DISP3: variants seen among roughly 807,000 people sequenced by gnomAD.
The protein encoded by DISP3 is protein dispatched homolog 3.
A neutral mutation model predicts 135.3 loss-of-function variants in DISP3; 101 were observed. The observed-to-expected ratio is 0.75, with a 90% CI of 0.64 to 0.88. The LOEUF is 0.88. DISP3 is among the 40% of genes least tolerant of loss of function. DISP3 has a pLI of 0.00. For synonymous variants in DISP3, 856 were observed against 817.0 expected (o/e 1.05, Z -0.81); for missense variants, 1,713 against 1,878.6 (o/e 0.91, Z 1.63).
rs776607837 is a variant in DISP3, at chr1:11,534,487, G to T, written c.3482G>T (p.Arg1161Leu). Residue 1161 changes from arginine to leucine, a missense_variant, in exon 18 of 21, where the codon CGC becomes CTC. By Grantham distance (102) the Arg-to-Leu change is moderately radical. This residue lies in a region of DISP3 where 1,142 missense variants were observed against 1,384.6 expected (regional missense o/e 0.82). Transcript: ENST00000294484. ...GCCTTGCCCGAGGGCTCAGTCCTGC[G>T]CCGGGGCTTCCAGACCTGCGAGCAC... ...LQALPEGSVL[R>L]RGFQTCEHWK... The T allele has an allele frequency of 1.2e-6, 2 of 1,614,006 alleles. No homozygotes were observed. Among genetic ancestry groups the T allele is most frequent in the Admixed American group, 3.3e-5 (2 of 60,006 alleles).
At chr1:11,511,947 C>T (rs545557992) in intron 3 of DISP3, among the ~76,000 whole-genome samples, 1 of 152,340 alleles carries the variant, frequency 6.6e-6, no homozygotes, top group Admixed American at 6.5e-5. Context: ...GCTGCCAAAG[C>T]TTGGGGCTTC....
In DISP3 at chr1:11,531,791, G is replaced by C; in HGVS notation, c.3375+81G>C. ...ACCTCTGATCCCAGCCCTCTTCCCAGATCGGGGGGGAGATGCTGAGGCCCA... is the reference window on the plus strand; with the variant it reads ...ACCTCTGATCCCAGCCCTCTTCCCACATCGGGGGGGAGATGCTGAGGCCCA... On this transcript the variant is annotated intron_variant, in intron 17 of 20. Coordinates refer to ENST00000294484, the MANE Select transcript of DISP3 (RefSeq NM_020780.2). This position sits in a 1 kb window ranked among gnomAD's most constrained non-coding sequence, Gnocchi z 5.2. 1 of 1,499,318 alleles carries C rather than the reference G, an allele frequency of 6.7e-7. No individual in the cohort carries two copies. The highest frequency in any genetic ancestry group is 8.9e-7 in the Non-Finnish European group (1 of 1,127,752). 92.9% of individuals were successfully genotyped at this position (1,499,318 alleles called of 1,614,324 possible).
chr1:11,533,903 C>A lies in DISP3; in HGVS notation c.3376-478C>A, dbSNP rs532691093. 32 of 714,974 alleles carry A rather than the reference C, an allele frequency of 4.5e-5. No homozygotes were observed. The Middle Eastern group carries it at 9.6e-4, about 22-fold the overall frequency. 44.3% of individuals were successfully genotyped at this position (714,974 alleles called of 1,614,324 possible). On this transcript the variant is annotated intron_variant, in intron 17 of 20. Transcript: ENST00000294484. ...GGCACTGTGGGCCAGCCAGGCTGCT[C>A]CTGCCCTTGCAATTCACAGTCCCAC...
In DISP3 at chr1:11,499,222, C is replaced by G. The variant is rs928705863; in HGVS notation, c.-3-1768C>G. On this transcript the variant is annotated intron_variant, in intron 1 of 20. Coordinates refer to ENST00000294484, the MANE Select transcript of DISP3 (RefSeq NM_020780.2). This position sits in a 1 kb window ranked among gnomAD's most constrained non-coding sequence, Gnocchi z 5.2. ...CCTGGCCTTTGACCCCCTGCAACACCAACACACTGTAAACTGTACTCCCCA... is the reference window on the plus strand; with the variant it reads ...CCTGGCCTTTGACCCCCTGCAACACGAACACACTGTAAACTGTACTCCCCA... 6.6e-6 allele frequency among the ~76,000 whole-genome samples: 1 copy of G among 152,116 alleles called. No individual in the cohort carries two copies. Among genetic ancestry groups the G allele is most frequent in the Admixed American group, 6.6e-5 (1 of 15,254 alleles).
At chr1:11,487,979 G>A (rs74055704) in intron 1 of DISP3, among the ~76,000 whole-genome samples, 1,909 of 152,264 alleles carry the variant, frequency 0.013, 33 homozygotes, top group African/African-American at 0.042. Flanking sequence ...ACGGAGCCCC[G>A]TTATCATGGA....
At position 11,520,654 on chromosome 1, in the gene DISP3, A is replaced by C. The variant is rs762257605; in HGVS notation, c.2201-33A>C. ...CACTGGGAACAGACCAGCTGGGCCCAGCCCCGCCTGGTGTAGCGCCCTTTC... is the reference window on the plus strand; with the variant it reads ...CACTGGGAACAGACCAGCTGGGCCCCGCCCCGCCTGGTGTAGCGCCCTTTC... On this transcript the variant is annotated intron_variant, in intron 9 of 20. Coordinates refer to ENST00000294484, the MANE Select transcript of DISP3 (RefSeq NM_020780.2). This position sits in a 1 kb window ranked among gnomAD's most constrained non-coding sequence, Gnocchi z 4.8. The C allele has an allele frequency of 6.9e-6, 11 of 1,602,342 alleles. No homozygotes were observed. The highest frequency in any genetic ancestry group is 1.3e-5 in the African/African-American group (1 of 74,706).
chr1:11,536,405 A>G lies in DISP3; in HGVS notation c.3898A>G (p.Thr1300Ala), dbSNP rs1177843881. The change falls in exon 21 of 21, where the codon ACG becomes GCG. Residue 1300 changes from threonine (T) to alanine (A), a missense_variant. Physicochemically the swap from Thr to Ala is moderately conservative, Grantham distance 58. This residue lies in a region of DISP3 where 1,142 missense variants were observed against 1,384.6 expected (regional missense o/e 0.82). Coordinates refer to ENST00000294484, the MANE Select transcript of DISP3 (RefSeq NM_020780.2). The surrounding 1 kb of genome is among the most constrained non-coding windows in gnomAD (Gnocchi z 4.3). ...GGCCATCGTCTCCAGTGCCCTCACC[A>G]CGGTCATCGCCACAGTGCCCCTCTT... ...GVAIVSSALT[T>A]VIATVPLFFC... 16 of 1,612,322 alleles carry G rather than the reference A, an allele frequency of 9.9e-6. No individual in the cohort carries two copies. The highest frequency in any genetic ancestry group is 1.4e-5 in the Non-Finnish European group (16 of 1,179,942).
At chr1:11,502,113 G>A (rs377682789) in intron 2 of DISP3, 25 bp downstream of exon 2, 2 of 1,532,226 alleles carry the variant, frequency 1.3e-6, no homozygotes, top group East Asian at 4.5e-5. Context: ...TGCTGGGAGG[G>A]GGCGTAGGTC....
intron 13 of DISP3, among the ~76,000 whole-genome samples, chr1:11,527,526 C>T (rs1438679618): frequency 4.8e-5 from 7 of 146,364 alleles, no homozygotes; most frequent in Non-Finnish European, 9.0e-5. Flanking sequence ...CCAGCCTGGG[C>T]AACAGAGCGA....
At chr1:11,498,480 A>G (rs901223822) in intron 1 of DISP3, among the ~76,000 whole-genome samples, 24 of 152,158 alleles carry the variant, frequency 1.6e-4, no homozygotes, top group African/African-American at 5.6e-4. Context: ...TGAGCGTCCG[A>G]AGAGAGCCAG....
At chr1:11,488,961 C>T (rs570074229) in intron 1 of DISP3, among the ~76,000 whole-genome samples, 32 of 152,296 alleles carry the variant, frequency 2.1e-4, no homozygotes, top group African/African-American at 5.5e-4. Context: ...CCGCCTCCCC[C>T]GCGATGAGAG....
Position 11,526,491 on chromosome 1 carries a change from C to T in DISP3, c.2614-160C>T, listed in dbSNP as rs1642422707. Among the ~76,000 whole-genome samples the T allele has an allele frequency of 2.0e-5, 3 of 152,228 alleles. No individual in the cohort carries two copies. The South Asian group carries it at 6.2e-4, about 32-fold the overall frequency. Reference sequence around the variant, plus strand: ...GATTTGCCCAAGTGCTGAACTCAAACCCAGGCCTCCCAAGCCTCTGCCCAG... The same window carrying T: ...GATTTGCCCAAGTGCTGAACTCAAATCCAGGCCTCCCAAGCCTCTGCCCAG... On this transcript the variant is annotated intron_variant, in intron 12 of 20. Transcript: ENST00000294484.
intron 10 of DISP3, among the ~76,000 whole-genome samples, chr1:11,522,893 A>ACCCAGCCAGAG (rs1642279427): frequency 1.0e-4 from 4 of 40,144 alleles, no homozygotes; most frequent in African/African-American, 3.4e-4. Flanking sequence ...CCCAGCCAGG[A>ACCCAGCCAGAG]CCCAGCCAGA....
chr1:11,520,956 G>A lies in DISP3; in HGVS notation c.2362+108G>A. On this transcript the variant is annotated intron_variant, in intron 10 of 20. Transcript: ENST00000294484. The surrounding 1 kb of genome is among the most constrained non-coding windows in gnomAD (Gnocchi z 4.8). ...GGGTCCCCATCAATGCCAGACCTCAGGCAAATCCCACTCCCCTCTGAGCCC... is the reference window on the plus strand; with the variant it reads ...GGGTCCCCATCAATGCCAGACCTCAAGCAAATCCCACTCCCCTCTGAGCCC... The A allele has an allele frequency of 7.7e-7, 1 of 1,295,772 alleles. No individual in the cohort carries two copies. Among genetic ancestry groups the A allele is most frequent in the Non-Finnish European group, 1.0e-6 (1 of 961,886 alleles). 80.3% of individuals were successfully genotyped at this position (1,295,772 alleles called of 1,614,324 possible).
chr1:11,517,810 A>G (rs1303524578), intron 7 of DISP3, among the ~76,000 whole-genome samples: 1 of 152,200 alleles, frequency 6.6e-6, no homozygotes, highest in East Asian at 1.9e-4. Flanking sequence ...CTTGTGTCCA[A>G]GATCTTATGA....
Position 11,525,180 on chromosome 1 carries a change from C to T in DISP3, c.2481C>T (p.Phe827=). ...ASRPEATLQD[F]PGTVYISKVK... is the part of the protein sequence containing the mutation. ...TCATCCCTTATTTGTCCGTAGATTT[C>T]CCAGGCACCGTGTACATCTCTAAAG... The change falls in exon 12 of 21, where the codon TTC becomes TTT. Residue 827 remains phenylalanine, a synonymous_variant. Transcript: ENST00000294484. 1.2e-6 allele frequency: 2 copies of T among 1,613,468 alleles called. No homozygotes were observed. Among genetic ancestry groups the T allele is most frequent in the South Asian group, 1.1e-5 (1 of 91,068 alleles).
chr1:11,510,220 A>G (rs1003340575), intron 3 of DISP3, among the ~76,000 whole-genome samples: 7 of 152,116 alleles, frequency 4.6e-5, no homozygotes, highest in East Asian at 1.9e-4. Flanking sequence ...ATTTTATTCT[A>G]TTTCTCCCAT....
Position 11,526,692 on chromosome 1 carries a change from C to G in DISP3, c.2655C>G (p.Thr885=). 6.2e-7 allele frequency: 1 copy of G among 1,614,142 alleles called. No homozygotes were observed. The highest frequency in any genetic ancestry group is 8.5e-7 in the Non-Finnish European group (1 of 1,179,998). The change falls in exon 13 of 21, where the codon ACC becomes ACG. Residue 885 remains threonine, a synonymous_variant. Coordinates refer to ENST00000294484, the MANE Select transcript of DISP3 (RefSeq NM_020780.2). ...APFGNFTKKL[T]ACMSTVGLLQ... Reference sequence around the variant, plus strand: ...TTGGTAACTTCACCAAGAAGCTGACCGCTTGTATGTCTACAGTAGGGCTGC... The same window carrying G: ...TTGGTAACTTCACCAAGAAGCTGACGGCTTGTATGTCTACAGTAGGGCTGC...
At chr1:11,481,935 T>C (rs1640914891) in intron 1 of DISP3, 1 of 152,332 alleles carries the variant, frequency 6.6e-6, no homozygotes, top group Non-Finnish European at 1.5e-5. Flanking sequence ...AAGTGCAATC[T>C]TCATTGGGGC....
Sources: gnomAD v4.1 joint callset for allele counts (sites outside exome capture counted in the v4.1 genomes callset) on GRCh38, gnomAD v4.1.1 for gene constraint, gnomAD v4.1.1 regional missense constraint, Gnocchi (gnomAD v3.1) non-coding constraint, MANE v1.5 for transcripts, NCBI Gene and HGNC (gene_info 2026-07-23, HGNC 2026-07-21) for gene names.